NEBL: variants seen among roughly 807,000 people sequenced by gnomAD.
The protein encoded by NEBL is nebulette.
In NEBL, 122 loss-of-function variants were observed where a neutral mutation model predicts 140.2. That is an observed-to-expected ratio of 0.87 (90% CI 0.75 to 1.01). The LOEUF is 1.01. NEBL is among the 50% of genes least tolerant of loss of function. The pLI, the probability that NEBL is intolerant of heterozygous loss-of-function variation, is 0.00. For missense variants in NEBL, 1,365 were observed against 1,231.3 expected (o/e 1.11, Z -1.62); for synonymous variants, 436 against 398.9 (o/e 1.09, Z -1.11).
intron 4 of NEBL, among the ~76,000 whole-genome samples, chr10:20,948,680 T>A (rs1324272953): frequency 6.6e-6 from 1 of 152,170 alleles, no homozygotes; most frequent in East Asian, 1.9e-4. Context: ...TTAGAGAAAC[T>A]CACTTTATTT....
At chr10:21,254,531 C>T (rs968810051) in intron 1 of NEBL, among the ~76,000 whole-genome samples, 2 of 152,058 alleles carry the variant, frequency 1.3e-5, no homozygotes, top group Non-Finnish European at 2.9e-5. Context: ...GCAACCTCTG[C>T]CTCCCAGATT....
chr10:20,824,361 A>G (rs1214165600), intron 18 of NEBL, among the ~76,000 whole-genome samples: 1 of 152,234 alleles, frequency 6.6e-6, no homozygotes, highest in East Asian at 1.9e-4. Context: ...TATCTCAGAT[A>G]TCATCTATGT....
intron 3 of NEBL, among the ~76,000 whole-genome samples, chr10:20,979,916 C>A (rs1218270298): frequency 1.3e-5 from 2 of 152,188 alleles, no homozygotes; most frequent in East Asian, 3.9e-4. Flanking sequence ...TGGTCTCAAA[C>A]TCCTTGCCTC....
At chr10:20,937,309 T>C (rs761512392) in intron 4 of NEBL, among the ~76,000 whole-genome samples, 1 of 152,196 alleles carries the variant, frequency 6.6e-6, no homozygotes, top group African/African-American at 2.4e-5. Context: ...GCAAAGGGCT[T>C]TTCCATCATG....
intron 3 of NEBL, among the ~76,000 whole-genome samples, chr10:21,247,253 C>T (rs138065646): frequency 1.6e-4 from 25 of 152,280 alleles, no homozygotes; most frequent in African/African-American, 6.0e-4. Context: ...GACTAATATA[C>T]GTACAACGGA....
chr10:20,831,621 C>G, intron 14 of NEBL, 38 bp from the exon 15 acceptor site: 1 of 1,371,878 alleles, frequency 7.3e-7, no homozygotes, highest in Non-Finnish European at 1.0e-6. Flanking sequence ...GCTCTCCAAT[C>G]ATTTGAGAAA....
At chr10:20,828,765 C>CAGAG (rs10631047) in intron 16 of NEBL, 131 bp from the exon 17 acceptor site, 442 of 596,948 alleles carry the variant, frequency 7.4e-4, no homozygotes, top group South Asian at 1.8e-3. Flanking sequence ...CTTACACTCC[C>CAGAG]AGAGAGAGAG....
intron 8 of NEBL, among the ~76,000 whole-genome samples, chr10:20,859,320 T>G (rs1843419365): frequency 6.6e-6 from 1 of 152,040 alleles, no homozygotes; most frequent in African/African-American, 2.4e-5. Flanking sequence ...TCTAAAAATT[T>G]CTTTATATGA....
At chr10:21,112,331 G>A (rs555496246) in intron 2 of NEBL, among the ~76,000 whole-genome samples, 20 of 152,240 alleles carry the variant, frequency 1.3e-4, no homozygotes, top group Non-Finnish European at 2.4e-4. Context: ...CAAAGACTTG[G>A]AACCAACCCA....
chr10:21,273,565 T>A (rs74123927), intron 1 of NEBL, among the ~76,000 whole-genome samples: 1 of 151,170 alleles, frequency 6.6e-6, no homozygotes, highest in African/African-American at 2.4e-5. Flanking sequence ...AAGTGGACAG[T>A]CCCTCCCTAT....
chr10:21,145,910 T>C (rs755597566), intron 2 of NEBL, among the ~76,000 whole-genome samples: 53 of 152,184 alleles, frequency 3.5e-4, no homozygotes, highest in Non-Finnish European at 3.1e-4. Context: ...CTCGGCTCTC[T>C]GGACCGCAGC....
At chr10:21,011,227 C>G (rs946952242) in intron 3 of NEBL, among the ~76,000 whole-genome samples, 29 of 152,254 alleles carry the variant, frequency 1.9e-4, no homozygotes, top group Admixed American at 1.8e-3. Context: ...GAGCCCAGAT[C>G]GCTGGGTGGC....
rs532678730 is a variant in NEBL, at chr10:20,815,662, A to T, written c.2204T>A (p.Met735Lys). The change falls in exon 22 of 28, where the codon ATG (methionine) becomes AAG (lysine). Residue 735 changes from methionine to lysine, a missense_variant. Coordinates refer to ENST00000377122, the MANE Select transcript of NEBL (RefSeq NM_006393.3). Reference sequence around the variant, plus strand: ...TTCTTGATTCTTCTTCACTCTTTCCATTTCAGGAGTTACACTTAAAGTGGT... The same window carrying T: ...TTCTTGATTCTTCTTCACTCTTTCCTTTTCAGGAGTTACACTTAAAGTGGT... Reference protein sequence around the residue: ...RATTLSVTPEMERVKKNQENI... With the variant: ...RATTLSVTPEKERVKKNQENI... The T allele has an allele frequency of 6.2e-7, 1 of 1,613,058 alleles. No individual in the cohort carries two copies. Among genetic ancestry groups the T allele is most frequent in the African/African-American group, 1.3e-5 (1 of 75,042 alleles).
At chr10:20,789,412 A>G (rs976770393) in intron 26 of NEBL, among the ~76,000 whole-genome samples, 1 of 152,250 alleles carries the variant, frequency 6.6e-6, no homozygotes, top group Non-Finnish European at 1.5e-5. Context: ...TGGACATTGA[A>G]AAATTTGGGA....
At chr10:21,024,468 T>A (rs1242446688) in intron 2 of NEBL, among the ~76,000 whole-genome samples, 1 of 151,408 alleles carries the variant, frequency 6.6e-6, no homozygotes, top group Non-Finnish European at 1.5e-5. Flanking sequence ...GGGATTCACA[T>A]TATATTCAGA....
chr10:20,905,330 T>G (rs773233010), intron 4 of NEBL, among the ~76,000 whole-genome samples: 1 of 152,202 alleles, frequency 6.6e-6, no homozygotes, highest in Non-Finnish European at 1.5e-5. Flanking sequence ...GGGTAATTTA[T>G]AAATAAAAGA....
At chr10:21,263,943 C>G (rs759669970) in intron 1 of NEBL, among the ~76,000 whole-genome samples, 21 of 152,224 alleles carry the variant, frequency 1.4e-4, no homozygotes, top group Non-Finnish European at 2.8e-4. Context: ...CCAGCCTGGG[C>G]AATAACAGTG....
chr10:21,178,245 A>T (rs1355109690), upstream of NEBL, among the ~76,000 whole-genome samples: 1 of 152,250 alleles, frequency 6.6e-6, no homozygotes, highest in Non-Finnish European at 1.5e-5. Flanking sequence ...TATTACAGAA[A>T]CAATTACCTT....
At chr10:20,843,821 T>C (rs1841613331) in intron 12 of NEBL, among the ~76,000 whole-genome samples, 1 of 152,144 alleles carries the variant, frequency 6.6e-6, no homozygotes, top group African/African-American at 2.4e-5. Flanking sequence ...TATCATTTCT[T>C]TGTGTTGTGA....
Sources: gnomAD v4.1 joint callset for allele counts (sites outside exome capture counted in the v4.1 genomes callset) on GRCh38, gnomAD v4.1.1 for gene constraint, MANE v1.5 for transcripts, NCBI Gene and HGNC (gene_info 2026-07-23, HGNC 2026-07-21) for gene names.